Variants in NDC1 observed in about 807,000 individuals in gnomAD.
The protein encoded by NDC1 is nucleoporin NDC1.
Under a neutral mutation model 89.8 loss-of-function variants are expected in NDC1, and 24 were observed. That is an observed-to-expected ratio of 0.27 (90% CI 0.19 to 0.38). The LOEUF is 0.38. NDC1 is among the 10% of genes least tolerant of loss of function. The pLI is 1.00. For missense variants in NDC1, 728 were observed against 797.6 expected, an observed-to-expected ratio of 0.91 and a Z score of 1.05; for synonymous variants, 296 against 284.8, an observed-to-expected ratio of 1.04 and a Z score of -0.39.
chr1:53,817,212 C>T (rs1207212147), intron 6 of NDC1, among the ~76,000 whole-genome samples: 1 of 152,182 alleles, frequency 6.6e-6, no homozygotes, highest in Non-Finnish European at 1.5e-5. Flanking sequence ...CAGCACAATT[C>T]ACAATAGCAA....
chr1:53,827,865 A>T, intron 4 of NDC1, 134 bp downstream of exon 4: 1 of 581,888 alleles, frequency 1.7e-6, no homozygotes, highest in Non-Finnish European at 2.8e-6. Flanking sequence ...AATATTAAAA[A>T]CACTTGATAT....
At chr1:53,768,148 CACTTATT>C (rs1405255683) in intron 17 of NDC1, 115 bp from the exon 18 acceptor site, 1 of 579,040 alleles carries the variant, frequency 1.7e-6, no homozygotes, top group Non-Finnish European at 2.8e-6. Context: ...TAGAAATCTT[CACTTATT>C]ACTATTTCTG....
intron 5 of NDC1, among the ~76,000 whole-genome samples, chr1:53,819,758 A>G (rs1002399010): frequency 6.6e-6 from 1 of 152,342 alleles, no homozygotes; most frequent in African/African-American, 2.4e-5. Context: ...ACCCTCAGTA[A>G]GTCATGCCTC....
chr1:53,772,337 T>G lies in NDC1; in HGVS notation c.1953A>C (p.Glu651Asp). 1 of 1,613,450 alleles carries G rather than the reference T, an allele frequency of 6.2e-7. No homozygotes were observed. The highest frequency in any genetic ancestry group is 8.5e-7 in the Non-Finnish European group (1 of 1,179,568). Reference sequence around the variant, plus strand: ...AAAACAGGTAAACTTACTTCAGATGTTCACCAAATGTAGTAGTTATTCGAT... The same window carrying G: ...AAAACAGGTAAACTTACTTCAGATGGTCACCAAATGTAGTAGTTATTCGAT... ...AIYRITTTFG[E>D]HLNAVQASAE... Residue 651 changes from glutamate (E) to aspartate (D), a missense_variant, in exon 17 of 18, where the codon GAA (glutamate) becomes GAC (aspartate). Transcript: ENST00000371429.
chr1:53,781,526 T>C (rs1253345634), intron 16 of NDC1, among the ~76,000 whole-genome samples: 1 of 152,310 alleles, frequency 6.6e-6, no homozygotes, highest in East Asian at 1.9e-4. Context: ...TCTGAATACT[T>C]TGAAGGATGA....
intron 14 of NDC1, among the ~76,000 whole-genome samples, chr1:53,791,711 GC>G (rs1390445373): frequency 6.6e-6 from 1 of 152,120 alleles, no homozygotes; most frequent in Non-Finnish European, 1.5e-5. Context: ...ATGAAAATTA[GC>G]CTTTCACTTT....
In NDC1 at chr1:53,825,460, A is replaced by AAAAAAAAAAAAAAAAAAAAG. The variant is rs1039370528; in HGVS notation, c.594+337_594+338insCTTTTTTTTTTTTTTTTTTT. 3.4e-4 allele frequency among the ~76,000 whole-genome samples: 48 copies of AAAAAAAAAAAAAAAAAAAAG among 142,052 alleles called. 1 individual carries two copies. The highest frequency in any genetic ancestry group is 1.0e-3 in the East Asian group (5 of 4,938). 93.2% of individuals were successfully genotyped at this position (142,052 alleles called of 152,430 possible). A position where few individuals can be genotyped will look rare whatever the true frequency, so the allele number is the denominator to read the frequency against. On this transcript the variant is annotated intron_variant, in intron 5 of 17. Transcript: ENST00000371429. ...AAGAAGCGAGACTGTCTCCAAAAAA[A>AAAAAAAAAAAAAAAAAAAAG]AAGAAGCTACACAGAGTACTTTGCA... is the stretch of plus-strand genomic sequence containing the variant.
intron 8 of NDC1, 95 bp from the exon 9 acceptor site, chr1:53,806,612 C>G: frequency 1.5e-6 from 1 of 674,392 alleles, no homozygotes; most frequent in Non-Finnish European, 2.2e-6. Flanking sequence ...ACAGCACAAG[C>G]AAACTGACAT....
chr1:53,806,375 G>T lies in NDC1; in HGVS notation c.984+50C>A, dbSNP rs769713496. 5 of 1,221,866 alleles carry T rather than the reference G, an allele frequency of 4.1e-6. No individual in the cohort carries two copies. In the East Asian group the frequency reaches 1.1e-4, roughly 26 times the overall value. 75.7% of individuals were successfully genotyped at this position (1,221,866 alleles called of 1,614,324 possible). On this transcript the variant is annotated intron_variant, in intron 9 of 17. Coordinates refer to ENST00000371429, the MANE Select transcript of NDC1 (RefSeq NM_018087.5). ...AAATATACTAAATATTAAGTGTATT[G>T]AATAAAGTTAGAGAAAACTGTGTGA...
Position 53,770,063 on chromosome 1 carries a change from C to T in NDC1, c.1962-2030G>A, listed in dbSNP as rs79833346. Among the ~76,000 whole-genome samples the T allele has an allele frequency of 8.7e-4, 132 of 152,252 alleles. 1 individual carries two copies. In the South Asian group the frequency reaches 0.012, roughly 13 times the overall value. ...CAGATCTAACATTCTTTCCACTATA[C>T]GACACTGTCCTACATTTGTACAAAT... is the stretch of plus-strand genomic sequence containing the variant. On this transcript the variant is annotated intron_variant, in intron 17 of 17. Coordinates refer to ENST00000371429, the MANE Select transcript of NDC1 (RefSeq NM_018087.5).
intron 10 of NDC1, among the ~76,000 whole-genome samples, chr1:53,803,344 G>C (rs915367183): frequency 6.6e-6 from 1 of 152,164 alleles, no homozygotes; most frequent in Admixed American, 6.5e-5. Flanking sequence ...TAGGATTACA[G>C]GGGTGAGCCA....
intron 11 of NDC1, among the ~76,000 whole-genome samples, chr1:53,797,359 GAT>G (rs1647751644): frequency 6.8e-6 from 1 of 146,922 alleles, no homozygotes; most frequent in African/African-American, 2.6e-5. Flanking sequence ...CTGTCAGATC[GAT>G]ATAGTCTCTC....
chr1:53,817,069 G>A (rs1648507025), intron 6 of NDC1, among the ~76,000 whole-genome samples: 1 of 152,196 alleles, frequency 6.6e-6, no homozygotes, highest in Admixed American at 6.5e-5. Flanking sequence ...CAGCCACTAT[G>A]GAAAAGTGTG....
rs1301061379 is a variant in NDC1, at chr1:53,800,771, G to C, written c.1144C>G (p.Leu382Val). 1 of 1,613,938 alleles carries C rather than the reference G, an allele frequency of 6.2e-7. No homozygotes were observed. Among genetic ancestry groups the C allele is most frequent in the South Asian group, 1.1e-5 (1 of 91,072 alleles). ...LLNGMTQKLI[L>V]YQEAAATNGR... ...TTCGTAGCAGCAGCTTCTTGATAGA[G>C]AATCAGTTTCTGAGTCATACCATTT... The change falls in exon 11 of 18, where the codon CTC (leucine) becomes GTC (valine). Residue 382 changes from leucine to valine, a missense_variant. By Grantham distance (32) the Leu-to-Val change is conservative. Transcript: ENST00000371429.
intron 5 of NDC1, among the ~76,000 whole-genome samples, chr1:53,821,099 T>C (rs958529958): frequency 6.6e-6 from 1 of 152,114 alleles, no homozygotes; most frequent in Non-Finnish European, 1.5e-5. Context: ...TCAGAAACTA[T>C]ATCTTCATAT....
chr1:53,785,676 G>A (rs1040063080), intron 16 of NDC1, among the ~76,000 whole-genome samples: 6 of 151,904 alleles, frequency 3.9e-5, no homozygotes, highest in Admixed American at 6.6e-5. Context: ...GGGTTCAAGC[G>A]GTTCTCCCCC....
At chr1:53,837,338 C>G (rs1449851012) in intron 1 of NDC1, among the ~76,000 whole-genome samples, 2 of 152,140 alleles carry the variant, frequency 1.3e-5, no homozygotes, top group South Asian at 2.1e-4. Flanking sequence ...TTTGGGAGAC[C>G]GAGGCGGATG....
intron 3 of NDC1, among the ~76,000 whole-genome samples, chr1:53,829,846 T>A (rs1255482961): frequency 6.6e-6 from 1 of 152,178 alleles, no homozygotes; most frequent in African/African-American, 2.4e-5. Context: ...AGCTTACTAG[T>A]CAATAGTGAG....
chr1:53,805,906 C>A (rs12723489), intron 9 of NDC1, among the ~76,000 whole-genome samples: 1 of 152,084 alleles, frequency 6.6e-6, no homozygotes, highest in South Asian at 2.1e-4. Context: ...AACCCCGTCT[C>A]TACTAAAAAT....
Sources: allele counts gnomAD v4.1 joint callset (sites outside exome capture counted in the v4.1 genomes callset), GRCh38; gene constraint gnomAD v4.1.1; transcripts MANE v1.5; gene names NCBI Gene and HGNC (gene_info 2026-07-23, HGNC 2026-07-21).